FHIT: variants seen among roughly 807,000 people sequenced by gnomAD.
FHIT encodes the protein bis(5'-adenosyl)-triphosphatase.
In FHIT, 19 loss-of-function variants were observed where a neutral mutation model predicts 17.9. The observed-to-expected ratio is 1.06, with a 90% CI of 0.74 to 1.56. The LOEUF is 1.56. FHIT is among the 40% of genes most tolerant of loss of function. FHIT has a pLI of 0.00. For synonymous variants in FHIT, 81 were observed against 69.7 expected (o/e 1.16, Z -0.81); for missense variants, 248 against 189.2 (o/e 1.31, Z -1.82).
intron 8 of FHIT, among the ~76,000 whole-genome samples, chr3:59,859,580 A>C (rs1323726086): frequency 6.6e-6 from 1 of 152,120 alleles, no homozygotes; most frequent in Non-Finnish European, 1.5e-5. Context: ...TTAGCCAGGC[A>C]TGGAGGTGTG....
chr3:61,146,036 C>T (rs981626885), intron 2 of FHIT, among the ~76,000 whole-genome samples: 7 of 151,980 alleles, frequency 4.6e-5, no homozygotes, highest in Non-Finnish European at 1.0e-4. Context: ...ATCCTGTCTG[C>T]CCTAAGCTCT....
chr3:60,129,619 T>C (rs1576165393), intron 5 of FHIT, among the ~76,000 whole-genome samples: 2 of 152,330 alleles, frequency 1.3e-5, no homozygotes, highest in East Asian at 3.9e-4. Context: ...TCCTAGGAGA[T>C]GCCCTAAGTC....
chr3:60,739,766 A>G (rs1198952094), intron 4 of FHIT, among the ~76,000 whole-genome samples: 1 of 152,170 alleles, frequency 6.6e-6, no homozygotes, highest in East Asian at 1.9e-4. Flanking sequence ...ACATTCCAGG[A>G]TCTAAATTAA....
chr3:60,542,449 C>T (rs894818145), intron 4 of FHIT, among the ~76,000 whole-genome samples: 2 of 152,204 alleles, frequency 1.3e-5, no homozygotes, highest in East Asian at 1.9e-4. Flanking sequence ...CTTACCAGCA[C>T]TTGATAGTAC....
At chr3:60,455,542 A>G (rs1217248614) in intron 5 of FHIT, among the ~76,000 whole-genome samples, 2 of 152,192 alleles carry the variant, frequency 1.3e-5, no homozygotes, top group Admixed American at 1.3e-4. Context: ...AGAGATAGGC[A>G]CATAGTGGGT....
intron 4 of FHIT, among the ~76,000 whole-genome samples, chr3:60,814,275 G>T (rs560402686): frequency 6.6e-6 from 1 of 152,222 alleles, no homozygotes; most frequent in Admixed American, 6.5e-5. Flanking sequence ...GCATCATGCT[G>T]AGGTTTGGGA....
chr3:59,766,220 TAAAGA>T (rs1240726812), intron 8 of FHIT, among the ~76,000 whole-genome samples: 1 of 152,124 alleles, frequency 6.6e-6, no homozygotes, highest in African/African-American at 2.4e-5. Flanking sequence ...CTTACACAAC[TAAAGA>T]AAAGGAGGCT....
At chr3:60,627,840 C>T (rs571308006) in intron 4 of FHIT, among the ~76,000 whole-genome samples, 1 of 152,240 alleles carries the variant, frequency 6.6e-6, no homozygotes, top group African/African-American at 2.4e-5. Context: ...CTTTTTATTC[C>T]TGATTTTAAT....
At chr3:60,534,475 C>T (rs1465695406) in intron 5 of FHIT, among the ~76,000 whole-genome samples, 1 of 142,968 alleles carries the variant, frequency 7.0e-6, no homozygotes, top group African/African-American at 2.6e-5. Flanking sequence ...ATGCGTCTCC[C>T]AGTTGTAACA....
chr3:59,853,540 T>A (rs1702027163), intron 8 of FHIT, among the ~76,000 whole-genome samples: 1 of 152,210 alleles, frequency 6.6e-6, no homozygotes, highest in African/African-American at 2.4e-5. Flanking sequence ...TACTTCAAAA[T>A]ATGAAACTGG....
chr3:61,132,087 T>G (rs1456287602), intron 2 of FHIT, among the ~76,000 whole-genome samples: 1 of 152,164 alleles, frequency 6.6e-6, no homozygotes, highest in Admixed American at 6.5e-5. Flanking sequence ...TCATGTAGGG[T>G]GGTTCCAACA....
At chr3:60,968,735 T>C (rs1023683601) in intron 3 of FHIT, among the ~76,000 whole-genome samples, 3 of 152,178 alleles carry the variant, frequency 2.0e-5, no homozygotes, top group African/African-American at 7.2e-5. Context: ...TAAATATTTA[T>C]CTGATTAAGG....
chr3:60,264,015 A>T (rs377220408), intron 5 of FHIT, among the ~76,000 whole-genome samples: 1 of 152,002 alleles, frequency 6.6e-6, no homozygotes, highest in South Asian at 2.1e-4. Flanking sequence ...TGTTCAAATT[A>T]AACTTGTTAT....
intron 5 of FHIT, among the ~76,000 whole-genome samples, chr3:60,124,581 A>T (rs1246852566): frequency 1.3e-5 from 2 of 152,106 alleles, no homozygotes; most frequent in Non-Finnish European, 2.9e-5. Flanking sequence ...ACACTATATC[A>T]ATATAAGTTG....
chr3:61,083,716 G>A (rs1462588228), intron 2 of FHIT, among the ~76,000 whole-genome samples: 1 of 152,068 alleles, frequency 6.6e-6, no homozygotes, highest in African/African-American at 2.4e-5. Flanking sequence ...TGCCTTTTCT[G>A]GGTATTTCTT....
At chr3:60,333,917 T>C (rs1710112557) in intron 5 of FHIT, among the ~76,000 whole-genome samples, 1 of 152,152 alleles carries the variant, frequency 6.6e-6, no homozygotes, top group Admixed American at 6.5e-5. Context: ...TTCCTGTTGA[T>C]CAACTTCTCT....
At chr3:60,965,118 C>T (rs1463179175) in intron 3 of FHIT, among the ~76,000 whole-genome samples, 3 of 152,072 alleles carry the variant, frequency 2.0e-5, no homozygotes, top group Non-Finnish European at 4.4e-5. Context: ...TTCCTGGAGG[C>T]TTTGTTCATT....
At chr3:60,236,696 G>A (rs1032331625) in intron 5 of FHIT, among the ~76,000 whole-genome samples, 1 of 151,966 alleles carries the variant, frequency 6.6e-6, no homozygotes, top group Non-Finnish European at 1.5e-5. Flanking sequence ...GCAATTGAGT[G>A]TTTTATTTCC....
At chr3:60,036,988 T>C (rs1287397033) in intron 5 of FHIT, among the ~76,000 whole-genome samples, 1 of 152,214 alleles carries the variant, frequency 6.6e-6, no homozygotes, top group African/African-American at 2.4e-5. Flanking sequence ...GAAAGGAGAT[T>C]GACTTCCAAC....
Sources: gnomAD v4.1 joint callset for allele counts (sites outside exome capture counted in the v4.1 genomes callset) on GRCh38, gnomAD v4.1.1 for gene constraint, MANE v1.5 for transcripts, NCBI Gene and HGNC (gene_info 2026-07-23, HGNC 2026-07-21) for gene names.